ARL3: variants seen among roughly 807,000 people sequenced by gnomAD.
ARL3 encodes ARF like GTPase 3, also known as ADP-ribosylation factor-like protein 3.
A neutral mutation model predicts 26.0 loss-of-function variants in ARL3; 9 were observed. That is an observed-to-expected ratio of 0.35 (90% confidence interval 0.21 to 0.60). The LOEUF is 0.60. ARL3 is among the 20% of genes least tolerant of loss of function. The pLI is 0.78. For synonymous variants in ARL3, 71 were observed against 78.4 expected (o/e 0.91, Z 0.50); for missense variants, 158 against 215.7 (o/e 0.73, Z 1.67).
At chr10:102,712,871 T>G (rs1181812831) in intron 1 of ARL3, among the ~76,000 whole-genome samples, 1 of 152,098 alleles carries the variant, frequency 6.6e-6, no homozygotes, top group African/African-American at 2.4e-5. Context: ...AAAGAAACAG[T>G]TGTAAAAATC....
intron 1 of ARL3, among the ~76,000 whole-genome samples, chr10:102,706,977 T>C (rs1210426861): frequency 2.0e-5 from 3 of 151,554 alleles, no homozygotes; most frequent in Non-Finnish European, 4.4e-5. Context: ...CTGGCCATTA[T>C]TTATTATTTT....
At position 102,676,912 on chromosome 10, in the gene ARL3, G is replaced by A; in HGVS notation, c.531C>T (p.Val177=). Residue 177 remains valine (V), a synonymous_variant, in exon 6 of 6, where the codon GTC becomes GTT. Transcript: ENST00000260746. ...QDGMNWVCKN[V]NAKKK ...CTAGATTTTATTTCTTCTTTGCATT[G>A]ACATTTTTGCAGACCCAGTTCATGC... 6.2e-7 allele frequency: 1 copy of A among 1,614,146 alleles called. No homozygotes were observed. Among genetic ancestry groups the A allele is most frequent in the Non-Finnish European group, 8.5e-7 (1 of 1,179,994 alleles).
intron 2 of ARL3, among the ~76,000 whole-genome samples, chr10:102,703,217 G>A (rs1215593492): frequency 6.9e-6 from 1 of 143,908 alleles, no homozygotes; most frequent in Non-Finnish European, 1.5e-5. Flanking sequence ...CGCCTCCCAA[G>A]TTCAAGCCAT....
At chr10:102,692,290 T>C (rs1030824359) in intron 3 of ARL3, among the ~76,000 whole-genome samples, 4 of 152,250 alleles carry the variant, frequency 2.6e-5, no homozygotes, top group South Asian at 2.1e-4. Context: ...TCCTTGGGTA[T>C]TTCTTTCAAG....
chr10:102,686,461 T>TC (rs2064186366), intron 4 of ARL3, among the ~76,000 whole-genome samples: 1 of 148,318 alleles, frequency 6.7e-6, no homozygotes, highest in African/African-American at 2.6e-5. Flanking sequence ...CTTTTTTTTT[T>TC]CTTTCTTTTT....
At chr10:102,683,386 C>T (rs2064166062) in intron 5 of ARL3, among the ~76,000 whole-genome samples, 1 of 152,190 alleles carries the variant, frequency 6.6e-6, no homozygotes, top group African/African-American at 2.4e-5. Context: ...TAACCATAAT[C>T]TAATCTCATT....
chr10:102,706,721 A>G (rs1284920115), intron 1 of ARL3, among the ~76,000 whole-genome samples: 1 of 151,926 alleles, frequency 6.6e-6, no homozygotes, highest in African/African-American at 2.4e-5. Context: ...CCCAGGCTGG[A>G]GTGCAGTGGT....
intron 2 of ARL3, among the ~76,000 whole-genome samples, chr10:102,701,654 T>C (rs2064280016): frequency 6.6e-6 from 1 of 152,154 alleles, no homozygotes; most frequent in Admixed American, 6.6e-5. Flanking sequence ...GAATCCTTTC[T>C]GGAATAAAGC....
In ARL3 at chr10:102,699,573, T is replaced by A; in HGVS notation, c.148-84A>T. The A allele has an allele frequency of 6.7e-6, 5 of 742,506 alleles. No individual in the cohort carries two copies. In the South Asian group the frequency reaches 8.3e-5, roughly 12 times the overall value. The allele number at this position is 742,506 out of a possible 1,614,324, so 46.0% of individuals were successfully genotyped here. A position where few individuals can be genotyped will look rare whatever the true frequency, so the allele number is the denominator to read the frequency against. The stretch of plus-strand genomic sequence containing the variant: ...AGTTACATTTAATAGCTATGTTTTT[T>A]ATTAATTCTAAAGTACTCTGCCATA... On this transcript the variant is annotated intron_variant, in intron 2 of 5. Transcript: ENST00000260746.
chr10:102,708,844 G>T (rs1354369762), intron 1 of ARL3, among the ~76,000 whole-genome samples: 1 of 144,758 alleles, frequency 6.9e-6, no homozygotes, highest in Non-Finnish European at 1.5e-5. Context: ...CAACAAAAGT[G>T]AAACTCCATC....
At chr10:102,706,861 G>A (rs879865939) in intron 1 of ARL3, among the ~76,000 whole-genome samples, 4 of 152,012 alleles carry the variant, frequency 2.6e-5, no homozygotes, top group African/African-American at 9.7e-5. Flanking sequence ...TAGTAGAGAT[G>A]GGGTTTCGCC....
intron 3 of ARL3, among the ~76,000 whole-genome samples, chr10:102,693,552 T>C (rs2064231138): frequency 1.3e-5 from 2 of 152,258 alleles, no homozygotes; most frequent in African/African-American, 2.4e-5. Flanking sequence ...TTCTTGAGTT[T>C]TGAGTTATTT....
rs1392451373 is a variant in ARL3 at position 102,676,095 on chromosome 10, A to C, written c.*799T>G. On this transcript the variant is annotated 3_prime_UTR_variant, in exon 6 of 6. Transcript: ENST00000260746. The stretch of plus-strand genomic sequence containing the variant: ...GAGCCCTCGATGTGAGAGCTTTTTA[A>C]GGACCTTGTAATTTTTCTGGAATTA... The C allele has an allele frequency of 6.6e-6, 1 of 152,326 alleles. No homozygotes were observed. Among genetic ancestry groups the C allele is most frequent in the Admixed American group, 6.6e-5 (1 of 15,222 alleles). The allele number at this position is 152,326 out of a possible 1,614,324, so 9.4% of individuals were successfully genotyped here.
intron 5 of ARL3, among the ~76,000 whole-genome samples, chr10:102,681,113 C>T (rs1460753816): frequency 6.6e-6 from 1 of 152,052 alleles, no homozygotes; most frequent in African/African-American, 2.4e-5. Context: ...TCAGGCCAGG[C>T]GTGGTGGCTC....
At chr10:102,705,266 T>G (rs2064303123) in intron 2 of ARL3, 80 bp downstream of exon 2, 1 of 1,441,024 alleles carries the variant, frequency 6.9e-7, no homozygotes, top group Non-Finnish European at 9.3e-7. Context: ...TGGACAAAAC[T>G]GTATTTCCCA....
At chr10:102,705,299 A>T in intron 2 of ARL3, 47 bp downstream of exon 2, 1 of 1,508,548 alleles carries the variant, frequency 6.6e-7, no homozygotes, top group Non-Finnish European at 8.9e-7. Flanking sequence ...CATTGCTATT[A>T]TCGTCTTCCT....
chr10:102,683,531 G>A (rs1432432450), intron 5 of ARL3, among the ~76,000 whole-genome samples: 1 of 151,876 alleles, frequency 6.6e-6, no homozygotes, highest in Non-Finnish European at 1.5e-5. Context: ...GTTTTTTGTT[G>A]GATCTCTCTT....
chr10:102,710,351 G>A (rs1018837420), intron 1 of ARL3, among the ~76,000 whole-genome samples: 19 of 152,280 alleles, frequency 1.2e-4, no homozygotes, highest in African/African-American at 4.3e-4. Flanking sequence ...TAGAGATCAG[G>A]GTTCTGCCTG....
At chr10:102,694,756 T>C (rs138216720) in intron 3 of ARL3, among the ~76,000 whole-genome samples, 2,639 of 152,280 alleles carry the variant, frequency 0.017, 76 homozygotes, top group African/African-American at 0.061. Flanking sequence ...TTCACACTTG[T>C]TGCCCAGGCT....
Sources: gnomAD v4.1 joint callset for allele counts (sites outside exome capture counted in the v4.1 genomes callset) on GRCh38, gnomAD v4.1.1 for gene constraint, MANE v1.5 for transcripts, NCBI Gene and HGNC (gene_info 2026-07-23, HGNC 2026-07-21) for gene names.